FER1L5: variants seen among roughly 807,000 people sequenced by gnomAD.
FER1L5 encodes the protein fer-1 like family member 5.
A neutral mutation model predicts 279.9 loss-of-function variants in FER1L5; 187 were observed. The observed-to-expected ratio is 0.67, with a 90% CI of 0.59 to 0.75. The LOEUF is 0.75. Among genes scored for constraint, FER1L5 ranks in the 30% least tolerant of loss-of-function variants. The probability of loss-of-function intolerance (pLI) is 0.00; values close to 1 mark genes in which losing one functional copy is unlikely to be tolerated. For missense variants in FER1L5, 2,091 were observed against 2,594.4 expected (o/e 0.81, Z 4.21); for synonymous variants, 921 against 989.7 (o/e 0.93, Z 1.30).
intron 14 of FER1L5, among the ~76,000 whole-genome samples, chr2:96,666,418 C>T (rs900575082): frequency 6.6e-6 from 1 of 151,832 alleles, no homozygotes; most frequent in African/African-American, 2.4e-5. Flanking sequence ...TCCTTTCTTA[C>T]TGACTAGCTG....
intron 19 of FER1L5, among the ~76,000 whole-genome samples, chr2:96,682,052 C>T (rs962384218): frequency 6.6e-6 from 1 of 151,654 alleles, no homozygotes; most frequent in Non-Finnish European, 1.5e-5. Flanking sequence ...TCCCAAAATG[C>T]TGGGATTACA....
At position 96,699,952 on chromosome 2, in the gene FER1L5, G is replaced by A. The variant is rs766627541; in HGVS notation, c.4802G>A (p.Arg1601Gln). 9 of 1,613,840 alleles carry A rather than the reference G, an allele frequency of 5.6e-6. No homozygotes were observed. In the East Asian group the frequency reaches 6.7e-5, roughly 12 times the overall value. Residue 1601 changes from arginine (R) to glutamine (Q), a missense_variant, in exon 44 of 53, where the codon CGG becomes CAG. Arg to Gln is a conservative substitution (Grantham distance 43). Coordinates refer to ENST00000624922, the MANE Select transcript of FER1L5 (RefSeq NM_001293083.2). ...CACAGGTCAGGGCCCTTTAGATGGC[G>A]GGATCAGATGCCCCCAAGCTACCTC... The part of the protein sequence containing the change: ...SYCQSGPFRW[R>Q]DQMPPSYLLE...
At chr2:96,657,791 C>T (rs1218469258) in intron 9 of FER1L5, among the ~76,000 whole-genome samples, 1 of 152,166 alleles carries the variant, frequency 6.6e-6, no homozygotes, top group African/African-American at 2.4e-5. Flanking sequence ...GCAGTTCATT[C>T]CTTTTTATTG....
In FER1L5 at chr2:96,661,438, C is replaced by A; in HGVS notation, c.892C>A (p.Leu298Met). The A allele has an allele frequency of 6.4e-7, 1 of 1,551,336 alleles. No homozygotes were observed. Among genetic ancestry groups the A allele is most frequent in the Non-Finnish European group, 8.7e-7 (1 of 1,146,816 alleles). Residue 298 changes from leucine (L) to methionine (M), a missense_variant and splice_region_variant, in exon 11 of 53, where the codon CTG (leucine) becomes ATG (methionine). By Grantham distance (15) the Leu-to-Met change is conservative. Transcript: ENST00000624922. ...TGCCCTCGGTGTGGGAGACCAGGCCCTGGTGAGCTGCCCCTAACCCCGGAA... is the reference window on the plus strand; with the variant it reads ...TGCCCTCGGTGTGGGAGACCAGGCCATGGTGAGCTGCCCCTAACCCCGGAA... ...IYALGVGDQA[L>M]IDQKLLYGTD...
chr2:96,676,226 C>A (rs1275593724), intron 19 of FER1L5, among the ~76,000 whole-genome samples: 1 of 152,186 alleles, frequency 6.6e-6, no homozygotes, highest in Non-Finnish European at 1.5e-5. Flanking sequence ...TATTATTGAT[C>A]TATTTGCCTA....
chr2:96,655,302 A>C (rs1431446097), intron 9 of FER1L5, among the ~76,000 whole-genome samples: 1 of 152,220 alleles, frequency 6.6e-6, no homozygotes, highest in African/African-American at 2.4e-5. Context: ...AGATTCTCCA[A>C]ATCCAAAAAG....
intron 6 of FER1L5, among the ~76,000 whole-genome samples, chr2:96,651,233 CTTTCTCTTTCTT>C (rs1292556413): frequency 1.1e-4 from 17 of 150,120 alleles, no homozygotes; most frequent in African/African-American, 2.2e-4. Flanking sequence ...TTCTTTCTTT[CTTTCTCTTTCTT>C]TCTTTCTTTC....
chr2:96,684,852 G>T (rs1277179941), intron 20 of FER1L5, among the ~76,000 whole-genome samples: 2 of 152,142 alleles, frequency 1.3e-5, no homozygotes, highest in African/African-American at 2.4e-5. Context: ...TTGGGGGCTG[G>T]GTGGGGGTAG....
intron 45 of FER1L5, 29 bp downstream of exon 45, chr2:96,700,500 T>A (rs373441744): frequency 5.6e-6 from 9 of 1,610,998 alleles, no homozygotes; most frequent in South Asian, 1.1e-5. Context: ...CACTCCTGGC[T>A]CCTACAGGAG....
intron 39 of FER1L5, 55 bp from the exon 40 acceptor site, chr2:96,697,982 A>C (rs1355040390): frequency 6.5e-7 from 1 of 1,529,722 alleles, no homozygotes; most frequent in African/African-American, 1.4e-5. Context: ...TGGTCCCTCC[A>C]TCTCCTAATC....
intron 23 of FER1L5, 176 bp from the exon 24 acceptor site, chr2:96,687,640 C>A: frequency 9.9e-7 from 1 of 1,008,722 alleles, no homozygotes; most frequent in East Asian, 2.7e-5. Context: ...CCACCCCACT[C>A]TGGAGGGCAG....
rs1306064373 is a variant in FER1L5, at chr2:96,686,178, T to G, written c.2074-17T>G. The G allele has an allele frequency of 2.6e-6, 4 of 1,549,224 alleles. No individual in the cohort carries two copies. The highest frequency in any genetic ancestry group is 2.6e-6 in the Non-Finnish European group (3 of 1,145,410). ...GGAGCCAGCCGCGCAGGGCCTGACA[T>G]TCTCCCACCTCGGCAGCCCCAGATG... On this transcript the variant is annotated splice_polypyrimidine_tract_variant and intron_variant, in intron 22 of 52. Transcript: ENST00000624922.
At chr2:96,688,970 T>A in intron 24 of FER1L5, 3 of 480,046 alleles carry the variant, frequency 6.2e-6, no homozygotes, top group Non-Finnish European at 1.1e-5. Flanking sequence ...CATAGATGTC[T>A]TATGATATCT....
At chr2:96,685,498 C>A in intron 21 of FER1L5, 69 bp downstream of exon 21, 1 of 1,346,400 alleles carries the variant, frequency 7.4e-7, no homozygotes, top group South Asian at 1.3e-5. Flanking sequence ...GGGGACTCAG[C>A]GCAGTGCCCT....
chr2:96,703,405 C>CAGACATCTAGACATCT, intron 50 of FER1L5, 59 bp downstream of exon 50: 1 of 1,596,820 alleles, frequency 6.3e-7, no homozygotes, highest in Non-Finnish European at 8.5e-7. Context: ...CTGGCTCTAA[C>CAGACATCTAGACATCT]AGACATCTAG....
intron 14 of FER1L5, among the ~76,000 whole-genome samples, chr2:96,667,628 TG>T (rs1308881296): frequency 6.6e-6 from 1 of 152,184 alleles, no homozygotes; most frequent in East Asian, 1.9e-4. Flanking sequence ...ATTACAGGCA[TG>T]TGCCACCATG....
intron 19 of FER1L5, among the ~76,000 whole-genome samples, chr2:96,678,402 A>T (rs532395906): frequency 6.6e-6 from 1 of 150,918 alleles, no homozygotes; most frequent in African/African-American, 2.4e-5. Context: ...AAGTGCTGGG[A>T]TTACAGGTGT....
In FER1L5 at chr2:96,702,141, G is replaced by A. The variant is rs2077606921; in HGVS notation, c.5159+98G>A. 6 of 1,570,308 alleles carry A rather than the reference G, an allele frequency of 3.8e-6. No individual in the cohort carries two copies. Among genetic ancestry groups the A allele is most frequent in the South Asian group, 2.3e-5 (2 of 87,184 alleles). On this transcript the variant is annotated intron_variant, in intron 46 of 52. Coordinates refer to ENST00000624922, the MANE Select transcript of FER1L5 (RefSeq NM_001293083.2). This position sits in a 1 kb window ranked among gnomAD's most constrained non-coding sequence, Gnocchi z 4.0. ...CTCAGGTACTGAGCTGCAGTAATTC[G>A]TTTCTCTATTGGGAAGAGAGGAAGC...
chr2:96,675,880 C>T (rs1414942244), intron 19 of FER1L5, among the ~76,000 whole-genome samples: 1 of 152,300 alleles, frequency 6.6e-6, no homozygotes, highest in East Asian at 1.9e-4. Flanking sequence ...CACTTGGCCT[C>T]CCAAAGTGCT....
Sources: allele counts gnomAD v4.1 joint callset (sites outside exome capture counted in the v4.1 genomes callset), GRCh38; gene constraint gnomAD v4.1.1; non-coding constraint Gnocchi (gnomAD v3.1); transcripts MANE v1.5; gene names NCBI Gene and HGNC (gene_info 2026-07-23, HGNC 2026-07-21).